Variants in NLGN1 observed in about 807,000 individuals in gnomAD.
NLGN1 encodes the protein neuroligin-1.
Under a neutral mutation model 65.5 loss-of-function variants are expected in NLGN1, and 12 were observed. The ratio of observed to expected loss-of-function variants is 0.18; its 90% CI spans 0.12 to 0.30. The LOEUF (loss-of-function observed/expected upper bound fraction) is 0.30, where lower values mean the gene tolerates loss of function less well. NLGN1 is among the 10% of genes least tolerant of loss of function. The pLI, the probability that NLGN1 is intolerant of heterozygous loss-of-function variation, is 1.00. For missense variants in NLGN1, 750 were observed against 1,007.1 expected (o/e 0.74, Z 3.46); for synonymous variants, 350 against 359.5 (o/e 0.97, Z 0.30).
intron 2 of NLGN1, among the ~76,000 whole-genome samples, chr3:173,523,319 CT>C (rs1735085666): frequency 6.6e-6 from 1 of 151,574 alleles, no homozygotes; most frequent in South Asian, 2.1e-4. Flanking sequence ...CTTCATCATA[CT>C]CTTTTTGCAT....
At chr3:173,576,745 A>G (rs1745558102) in intron 2 of NLGN1, among the ~76,000 whole-genome samples, 1 of 152,198 alleles carries the variant, frequency 6.6e-6, no homozygotes. Flanking sequence ...CTCTTTTGCC[A>G]TATAAAGTGG....
At chr3:173,911,176 C>A (rs1294381087) in intron 4 of NLGN1, among the ~76,000 whole-genome samples, 1 of 152,130 alleles carries the variant, frequency 6.6e-6, no homozygotes, top group Non-Finnish European at 1.5e-5. Flanking sequence ...TAAAAATGTA[C>A]TAATTTTTGA....
chr3:174,134,165 T>TA (rs1196618384), intron 4 of NLGN1, among the ~76,000 whole-genome samples: 3 of 152,134 alleles, frequency 2.0e-5, no homozygotes, highest in African/African-American at 7.2e-5. Context: ...ATAGGAGAAT[T>TA]ACTGACTTAA....
At chr3:173,958,432 G>C (rs1474509789) in intron 4 of NLGN1, among the ~76,000 whole-genome samples, 1 of 152,090 alleles carries the variant, frequency 6.6e-6, no homozygotes. Flanking sequence ...CCTGGAGTGG[G>C]TAGCTCCTCT....
At chr3:173,409,274 A>G (rs78699346) in intron 1 of NLGN1, among the ~76,000 whole-genome samples, 9,566 of 152,296 alleles carry the variant, frequency 0.063, 359 homozygotes, top group South Asian at 0.09. Context: ...ATATATATCA[A>G]TATGTAAATG....
At chr3:173,455,694 G>C (rs1288262211) in intron 2 of NLGN1, among the ~76,000 whole-genome samples, 1 of 151,862 alleles carries the variant, frequency 6.6e-6, no homozygotes, top group African/African-American at 2.4e-5. Flanking sequence ...ATAAAACAAG[G>C]TTAGCCTGTG....
At chr3:173,655,911 T>TGAA (rs1480834886) in intron 3 of NLGN1, among the ~76,000 whole-genome samples, 5 of 152,048 alleles carry the variant, frequency 3.3e-5, no homozygotes, top group African/African-American at 9.7e-5. Context: ...AAGGAAAGAA[T>TGAA]GAAGCAACAA....
intron 4 of NLGN1, among the ~76,000 whole-genome samples, chr3:173,812,171 C>T (rs1718077954): frequency 1.3e-5 from 2 of 152,002 alleles, no homozygotes; most frequent in Admixed American, 1.3e-4. Context: ...ATATTTACAC[C>T]ACCCGTCCAT....
chr3:173,590,290 T>C lies in NLGN1; in HGVS notation c.-320-13989T>C, dbSNP rs1748250238. Among the ~76,000 whole-genome samples, 6 of 152,324 alleles carry C rather than the reference T, an allele frequency of 3.9e-5. No homozygotes were observed. The South Asian group carries it at 1.2e-3, about 32-fold the overall frequency. On this transcript the variant is annotated intron_variant, in intron 2 of 6. Coordinates refer to ENST00000457714, the Ensembl canonical transcript of NLGN1. Reference sequence around the variant, plus strand: ...ACTTTACACATAAGTGACAGTGTTATCTATTCTTTTTCTTATGGGTAGAAA... The same window carrying C: ...ACTTTACACATAAGTGACAGTGTTACCTATTCTTTTTCTTATGGGTAGAAA...
intron 4 of NLGN1, among the ~76,000 whole-genome samples, chr3:174,053,432 C>T (rs972905981): frequency 2.0e-5 from 3 of 151,966 alleles, no homozygotes; most frequent in Admixed American, 1.3e-4. Context: ...TTGAAATGGA[C>T]TATCTATACA....
At chr3:174,162,012 G>T (rs1244119476) in intron 4 of NLGN1, among the ~76,000 whole-genome samples, 1 of 151,692 alleles carries the variant, frequency 6.6e-6, no homozygotes, top group African/African-American at 2.4e-5. Context: ...TCTAATATAG[G>T]AATCGTCACC....
chr3:173,661,616 T>C (rs1309573027), intron 3 of NLGN1, among the ~76,000 whole-genome samples: 1 of 152,024 alleles, frequency 6.6e-6, no homozygotes, highest in Non-Finnish European at 1.5e-5. Context: ...TTGGCCTGTG[T>C]CTTGCTAAAG....
At chr3:173,988,886 C>T (rs1186647292) in intron 4 of NLGN1, among the ~76,000 whole-genome samples, 1 of 152,150 alleles carries the variant, frequency 6.6e-6, no homozygotes, top group Non-Finnish European at 1.5e-5. Flanking sequence ...TCTCTACTTA[C>T]CATCACTGTG....
intron 4 of NLGN1, among the ~76,000 whole-genome samples, chr3:173,821,197 G>A (rs1423156017): frequency 1.3e-5 from 2 of 152,144 alleles, no homozygotes; most frequent in Non-Finnish European, 2.9e-5. Flanking sequence ...TCCCTGAGAT[G>A]AAACATATCT....
intron 4 of NLGN1, among the ~76,000 whole-genome samples, chr3:174,238,002 A>G (rs1051304942): frequency 7.9e-5 from 12 of 152,178 alleles, no homozygotes; most frequent in Admixed American, 6.5e-5. Context: ...TTTTACCTGT[A>G]TAGTTGACAG....
At chr3:173,437,663 C>T (rs369530973) in intron 2 of NLGN1, among the ~76,000 whole-genome samples, 10 of 152,250 alleles carry the variant, frequency 6.6e-5, no homozygotes, top group Admixed American at 2.6e-4. Flanking sequence ...AATCTTGCCT[C>T]CAGACTACAA....
At chr3:173,444,624 A>G (rs1177425853) in intron 2 of NLGN1, among the ~76,000 whole-genome samples, 1 of 152,200 alleles carries the variant, frequency 6.6e-6, no homozygotes, top group Non-Finnish European at 1.5e-5. Flanking sequence ...CATTTCTCAA[A>G]AAAGCTAAAA....
intron 4 of NLGN1, among the ~76,000 whole-genome samples, chr3:173,846,953 C>G (rs1161423965): frequency 6.6e-6 from 1 of 152,132 alleles, no homozygotes; most frequent in Non-Finnish European, 1.5e-5. Context: ...GTAAATATCT[C>G]CTTGATGTAT....
intron 3 of NLGN1, among the ~76,000 whole-genome samples, chr3:173,630,926 G>A (rs979815224): frequency 1.3e-5 from 2 of 152,118 alleles, no homozygotes; most frequent in African/African-American, 4.8e-5. Flanking sequence ...AAAATCAAAA[G>A]CATCTAGAGG....
Sources: allele counts gnomAD v4.1 joint callset (sites outside exome capture counted in the v4.1 genomes callset), GRCh38; gene constraint gnomAD v4.1.1; transcripts MANE v1.5; gene names NCBI Gene and HGNC (gene_info 2026-07-23, HGNC 2026-07-21).